The following SAMD3 variants were observed in gnomAD, a reference collection of about 807,000 sequenced individuals.
SAMD3 encodes the protein sterile alpha motif domain containing 3.
SAMD3 carries 63 observed loss-of-function variants against 58.5 expected under a neutral mutation model. The ratio of observed to expected loss-of-function variants is 1.08; its 90% CI spans 0.88 to 1.33. SAMD3 has a LOEUF of 1.33. Among genes scored for constraint, SAMD3 ranks in the 40% most tolerant of loss-of-function variants. The pLI, the probability that SAMD3 is intolerant of heterozygous loss-of-function variation, is 0.00. For synonymous variants in SAMD3, 220 were observed against 210.3 expected, an observed-to-expected ratio of 1.05 and a Z score of -0.40; for missense variants, 604 against 608.4, an observed-to-expected ratio of 0.99 and a Z score of 0.08.
intron 7 of SAMD3, among the ~76,000 whole-genome samples, chr6:130,180,377 C>T (rs571019452): frequency 3.1e-4 from 47 of 150,006 alleles, no homozygotes; most frequent in Non-Finnish European, 3.2e-4. Context: ...TCAAGTGATC[C>T]GTCCGCCTTG....
chr6:130,301,723 G>A (rs6938087), intron 2 of SAMD3, among the ~76,000 whole-genome samples: 69,827 of 151,910 alleles, frequency 0.46, 18,936 homozygotes, highest in African/African-American at 0.76. Flanking sequence ...TTGTAATAGT[G>A]AAAAACAAAC....
chr6:130,261,703 T>C (rs1252082293), intron 2 of SAMD3, among the ~76,000 whole-genome samples: 1 of 152,152 alleles, frequency 6.6e-6, no homozygotes, highest in Non-Finnish European at 1.5e-5. Context: ...AAGGAGACTA[T>C]GTAGTACTAT....
intron 2 of SAMD3, among the ~76,000 whole-genome samples, chr6:130,238,683 T>C (rs1773250375): frequency 6.6e-6 from 1 of 152,080 alleles, no homozygotes; most frequent in Non-Finnish European, 1.5e-5. Context: ...GGTAAACACA[T>C]TACTGCTTGG....
intron 2 of SAMD3, among the ~76,000 whole-genome samples, chr6:130,283,081 C>T (rs535423946): frequency 6.7e-5 from 10 of 148,276 alleles, no homozygotes; most frequent in Admixed American, 3.4e-4. Flanking sequence ...CTACAAAAAA[C>T]GGCACATTTG....
intron 2 of SAMD3, among the ~76,000 whole-genome samples, chr6:130,241,533 A>G (rs979258943): frequency 6.6e-6 from 1 of 151,784 alleles, no homozygotes; most frequent in Non-Finnish European, 1.5e-5. Context: ...CTGTGATTCT[A>G]TTTGCTACCC....
intron 1 of SAMD3, among the ~76,000 whole-genome samples, chr6:130,218,047 G>A (rs1045197367): frequency 2.6e-5 from 4 of 152,172 alleles, no homozygotes; most frequent in Admixed American, 2.0e-4. Context: ...TAGCAGCCTC[G>A]CTACCATGGG....
intron 5 of SAMD3, among the ~76,000 whole-genome samples, chr6:130,191,251 A>G (rs749367535): frequency 9.2e-5 from 14 of 152,078 alleles, no homozygotes; most frequent in Admixed American, 2.6e-4. Context: ...TCTTTGACCA[A>G]TTAACATCTT....
chr6:130,225,197 T>C (rs531137170), upstream of SAMD3, among the ~76,000 whole-genome samples: 53 of 152,296 alleles, frequency 3.5e-4, 1 homozygote, highest in South Asian at 5.0e-3. Flanking sequence ...GGTCCTGCTA[T>C]TTGCTGCACA....
chr6:130,240,761 C>T (rs1206917111), intron 2 of SAMD3, among the ~76,000 whole-genome samples: 3 of 152,160 alleles, frequency 2.0e-5, no homozygotes, highest in Non-Finnish European at 4.4e-5. Context: ...GTCTGCCCCT[C>T]CCTTGCCCTT....
intron 9 of SAMD3, among the ~76,000 whole-genome samples, chr6:130,153,502 T>C (rs982382501): frequency 1.3e-5 from 2 of 151,974 alleles, no homozygotes; most frequent in African/African-American, 4.8e-5. Flanking sequence ...AATTTCTCCA[T>C]GAAATATGTT....
chr6:130,215,947 G>T, intron 2 of SAMD3: 1 of 958,370 alleles, frequency 1.0e-6, no homozygotes, highest in Non-Finnish European at 1.5e-6. Flanking sequence ...ATACCCCTCT[G>T]AGTTCTAGAA....
chr6:130,153,660 ATATATTTATT>A (rs1174942710), intron 9 of SAMD3, among the ~76,000 whole-genome samples: 5 of 100,580 alleles, frequency 5.0e-5, no homozygotes, highest in Non-Finnish European at 6.5e-5. Context: ...ATATATATAT[ATATATTTATT>A]TATTTATTTA....
At chr6:130,248,603 C>T (rs1406192131) in intron 2 of SAMD3, among the ~76,000 whole-genome samples, 2 of 152,160 alleles carry the variant, frequency 1.3e-5, no homozygotes, top group Non-Finnish European at 2.9e-5. Flanking sequence ...TCAGCCTGTC[C>T]ATCCCCTAGG....
At chr6:130,280,425 A>C (rs1234025862) in intron 2 of SAMD3, among the ~76,000 whole-genome samples, 1 of 152,062 alleles carries the variant, frequency 6.6e-6, no homozygotes, top group Non-Finnish European at 1.5e-5. Context: ...CAGAAGGTTC[A>C]TTTTTTGGCC....
intron 2 of SAMD3, among the ~76,000 whole-genome samples, chr6:130,290,531 G>A (rs1055785544): frequency 3.9e-5 from 6 of 152,168 alleles, no homozygotes; most frequent in Non-Finnish European, 5.9e-5. Context: ...CTAAACAACT[G>A]GGGTACAATT....
intron 4 of SAMD3, among the ~76,000 whole-genome samples, chr6:130,210,138 C>T (rs1795404099): frequency 1.3e-5 from 2 of 152,176 alleles, no homozygotes; most frequent in Non-Finnish European, 2.9e-5. Context: ...AGGATTTGAA[C>T]TCAGTTTTGC....
At chr6:130,304,760 T>TA (rs1775859091) in intron 2 of SAMD3, among the ~76,000 whole-genome samples, 1 of 152,130 alleles carries the variant, frequency 6.6e-6, no homozygotes, top group African/African-American at 2.4e-5. Flanking sequence ...AATTGATATT[T>TA]AAAAAACTAT....
chr6:130,197,689 CT>C (rs1794269992), intron 5 of SAMD3, among the ~76,000 whole-genome samples: 1 of 152,176 alleles, frequency 6.6e-6, no homozygotes, highest in Non-Finnish European at 1.5e-5. Flanking sequence ...CATGCCACCC[CT>C]AATCCCGCTC....
chr6:130,217,842 G>A (rs547787971), intron 1 of SAMD3, among the ~76,000 whole-genome samples: 10 of 152,238 alleles, frequency 6.6e-5, no homozygotes, highest in East Asian at 3.9e-4. Flanking sequence ...TTTTGCTGGC[G>A]GCATATGCCC....
Sources: gnomAD v4.1 joint callset for allele counts (sites outside exome capture counted in the v4.1 genomes callset) on GRCh38, gnomAD v4.1.1 for gene constraint, MANE v1.5 for transcripts, NCBI Gene and HGNC (gene_info 2026-07-23, HGNC 2026-07-21) for gene names.